Variants in DCP2 observed in about 807,000 individuals in gnomAD.
DCP2 encodes decapping mRNA 2, also known as m7GpppN-mRNA hydrolase.
A neutral mutation model predicts 56.1 loss-of-function variants in DCP2; 30 were observed. The ratio of observed to expected loss-of-function variants is 0.53; its 90% CI spans 0.40 to 0.73. The LOEUF (loss-of-function observed/expected upper bound fraction) is 0.73, where lower values mean the gene tolerates loss of function less well. Among genes scored for constraint, DCP2 ranks in the 30% least tolerant of loss-of-function variants. The pLI is 0.00. For synonymous variants in DCP2, 197 were observed against 163.3 expected, an observed-to-expected ratio of 1.21 and a Z score of -1.57; for missense variants, 533 against 502.7, an observed-to-expected ratio of 1.06 and a Z score of -0.58.
chr5:113,000,662 A>T (rs966488063), intron 4 of DCP2, among the ~76,000 whole-genome samples: 1 of 152,194 alleles, frequency 6.6e-6, no homozygotes, highest in African/African-American at 2.4e-5. Context: ...TTTTACTCTG[A>T]TTGGAATGCT....
In DCP2 at chr5:113,014,257, T is replaced by A. The variant is rs1749793526; in HGVS notation, c.*773T>A. 1 of 152,354 alleles carries A rather than the reference T, an allele frequency of 6.6e-6. No homozygotes were observed. The highest frequency in any genetic ancestry group is 2.1e-4 in the South Asian group (1 of 4,832). The allele number at this position is 152,354 out of a possible 1,614,324, so 9.4% of individuals were successfully genotyped here. A position where few individuals can be genotyped will look rare whatever the true frequency, so the allele number is the denominator to read the frequency against. On this transcript the variant is annotated 3_prime_UTR_variant, in exon 11 of 11. Transcript: ENST00000389063. ...GCTACTTTGGGTCATGTCTTTACTG[T>A]CCTGCCTCCAACCCTTTAGTCTCGT... is the stretch of plus-strand genomic sequence containing the variant.
chr5:113,014,578 C>G lies in DCP2; in HGVS notation c.*1094C>G, dbSNP rs948315291. On this transcript the variant is annotated 3_prime_UTR_variant, in exon 11 of 11. Transcript: ENST00000389063. The stretch of plus-strand genomic sequence containing the variant: ...ACATAACAGTAACATACATAACTCA[C>G]TCCTAGGAATGTATTTTGCTTCAGG... 1 of 152,630 alleles carries G rather than the reference C, an allele frequency of 6.6e-6. No homozygotes were observed. The highest frequency in any genetic ancestry group is 6.5e-5 in the Admixed American group (1 of 15,274). The allele number at this position is 152,630 out of a possible 1,614,324, so 9.5% of individuals were successfully genotyped here. A position where few individuals can be genotyped will look rare whatever the true frequency, so the allele number is the denominator to read the frequency against.
chr5:112,998,578 CA>C (rs1748972626), intron 4 of DCP2, among the ~76,000 whole-genome samples: 1 of 152,140 alleles, frequency 6.6e-6, no homozygotes, highest in Admixed American at 6.5e-5. Flanking sequence ...TTACTAAGCA[CA>C]AAGTACATAG....
intron 9 of DCP2, 39 bp from the exon 10 acceptor site, chr5:113,010,717 G>T (rs1561705584): frequency 1.3e-6 from 2 of 1,486,350 alleles, no homozygotes; most frequent in African/African-American, 1.5e-5. Context: ...TGACTGTGTT[G>T]TATGTGTGTG....
intron 1 of DCP2, chr5:112,983,843 G>C (rs1383013545): frequency 6.6e-6 from 1 of 152,200 alleles, no homozygotes; most frequent in African/African-American, 2.4e-5. Context: ...CACTTTTGAA[G>C]ATTCTGAAAG....
In DCP2 at chr5:112,985,902, C is replaced by T. The variant is rs750777134; in HGVS notation, c.121C>T (p.Leu41Phe). The change falls in exon 2 of 11, where the codon CTT becomes TTT. Residue 41 changes from leucine (L) to phenylalanine (F), a missense_variant. Physicochemically the swap from Leu to Phe is conservative, Grantham distance 22 (BLOSUM62 0). Transcript: ENST00000389063. Reference sequence around the variant, plus strand: ...AATCCGAGTGTGTTTTCAGATTGAACTTGCCCATTGGTTTTACTTGGATTT... The same window carrying T: ...AATCCGAGTGTGTTTTCAGATTGAATTTGCCCATTGGTTTTACTTGGATTT... ...NAIRVCFQIE[L>F]AHWFYLDFYM... 5 of 1,610,976 alleles carry T rather than the reference C, an allele frequency of 3.1e-6. No individual in the cohort carries two copies. In the South Asian group the frequency reaches 4.4e-5, roughly 14 times the overall value.
chr5:112,977,139 A>G (rs1747747804), intron 1 of DCP2, among the ~76,000 whole-genome samples, 153 bp downstream of exon 1: 1 of 151,734 alleles, frequency 6.6e-6, no homozygotes, highest in African/African-American at 2.4e-5. Context: ...CTGCTCTCCG[A>G]CGACACCGCC....
At chr5:112,995,663 A>G (rs967405673) in intron 4 of DCP2, among the ~76,000 whole-genome samples, 1 of 152,184 alleles carries the variant, frequency 6.6e-6, no homozygotes, top group Non-Finnish European at 1.5e-5. Context: ...TTTGATCTCT[A>G]TGATGTCCTT....
rs749190268 is a variant in DCP2 at position 112,977,029 on chromosome 5, T to G, written c.53+43T>G. On this transcript the variant is annotated intron_variant, in intron 1 of 10. Coordinates refer to ENST00000389063, the MANE Select transcript of DCP2 (RefSeq NM_152624.6). ...CCCCTTTCGCCCCCGTCGGGTTTTCTCAGTTTCGCGGACCCCCAGAGGCCT... is the reference window on the plus strand; with the variant it reads ...CCCCTTTCGCCCCCGTCGGGTTTTCGCAGTTTCGCGGACCCCCAGAGGCCT... 9 of 1,457,276 alleles carry G rather than the reference T, an allele frequency of 6.2e-6. No homozygotes were observed. The African/African-American group carries it at 1.3e-4, about 21-fold the overall frequency. The allele number at this position is 1,457,276 out of a possible 1,614,324, so 90.3% of individuals were successfully genotyped here. A position where few individuals can be genotyped will look rare whatever the true frequency, so the allele number is the denominator to read the frequency against.
chr5:113,003,888 A>AAG (rs1749295489), intron 7 of DCP2, 54 bp from the exon 8 acceptor site: 23 of 1,593,682 alleles, frequency 1.4e-5, no homozygotes, highest in Middle Eastern at 3.3e-4. Flanking sequence ...AAGGTGTTAA[A>AAG]AGAACTATAA....
intron 1 of DCP2, among the ~76,000 whole-genome samples, chr5:112,984,838 AG>A (rs35001135): frequency 0.52 from 76,877 of 148,824 alleles, 20,613 homozygotes; most frequent in African/African-American, 0.66. Context: ...CCAAGCAGCT[AG>A]GACTACAGAT....
chr5:113,013,415 C>G lies in DCP2; in HGVS notation c.1194C>G (p.Pro398=), dbSNP rs751073360. The G allele has an allele frequency of 6.2e-6, 10 of 1,614,044 alleles. No individual in the cohort carries two copies. The highest frequency in any genetic ancestry group is 8.5e-6 in the Non-Finnish European group (10 of 1,180,006). The change falls in exon 11 of 11, where the codon CCC becomes CCG. Residue 398 remains proline (P), a synonymous_variant. Transcript: ENST00000389063. ...PVACNGHCKF[P]FSSRAFLSFK... is the part of the protein sequence containing the mutation. ...CATGTAATGGACATTGCAAGTTCCC[C>G]TTTTCATCCAGAGCCTTTTTGAGTT...
intron 10 of DCP2, among the ~76,000 whole-genome samples, chr5:113,011,654 A>T (rs576625694): frequency 6.6e-6 from 1 of 152,226 alleles, no homozygotes; most frequent in Admixed American, 6.5e-5. Flanking sequence ...CCTTAACCCT[A>T]TTATGGAAAG....
In DCP2 at chr5:112,992,668, G is replaced by GT; in HGVS notation, c.334-3dup. The GT allele has an allele frequency of 6.4e-7, 1 of 1,563,000 alleles. No homozygotes were observed. The highest frequency in any genetic ancestry group is 8.6e-7 in the Non-Finnish European group (1 of 1,156,764). On this transcript the variant is annotated splice_polypyrimidine_tract_variant and splice_region_variant and intron_variant, in intron 3 of 10. Transcript: ENST00000389063. ...TTTGATTTTTACTTCTGCTTGTTTT[G>GT]TAGGTACTACTAGTTCAGGGGTACC...
Position 112,985,871 on chromosome 5 carries a change from C to A in DCP2, c.90C>A (p.Asp30Glu). ...FILHIPSEER[D>E]NAIRVCFQIE... ...TGCATATTCCCAGCGAGGAAAGAGA[C>A]AATGCAATCCGAGTGTGTTTTCAGA... Residue 30 changes from aspartate to glutamate, a missense_variant, in exon 2 of 11, where the codon GAC (aspartate) becomes GAA (glutamate). This residue lies in a region of DCP2 where 137 missense variants were observed against 138.2 expected (regional missense o/e 0.99). Transcript: ENST00000389063. 1.2e-6 allele frequency: 2 copies of A among 1,609,300 alleles called. No homozygotes were observed. Among genetic ancestry groups the A allele is most frequent in the Non-Finnish European group, 1.7e-6 (2 of 1,176,074 alleles).
At chr5:113,003,598 C>A (rs556942866) in intron 7 of DCP2, among the ~76,000 whole-genome samples, 6 of 152,006 alleles carry the variant, frequency 3.9e-5, no homozygotes, top group Non-Finnish European at 8.8e-5. Context: ...AATGTACATT[C>A]GTTTCATCTA....
intron 9 of DCP2, among the ~76,000 whole-genome samples, chr5:113,009,321 T>C (rs1271517402): frequency 6.6e-6 from 1 of 152,212 alleles, no homozygotes; most frequent in Non-Finnish European, 1.5e-5. Flanking sequence ...AAGACGAAAG[T>C]TAATGACAGA....
intron 7 of DCP2, among the ~76,000 whole-genome samples, chr5:113,002,226 C>T (rs1330179165): frequency 1.3e-5 from 2 of 152,044 alleles, no homozygotes; most frequent in Non-Finnish European, 1.5e-5. Context: ...AGTTCAAGAC[C>T]AGCCTGGTCA....
At chr5:113,011,667 A>G (rs1485395243) in intron 10 of DCP2, among the ~76,000 whole-genome samples, 1 of 152,204 alleles carries the variant, frequency 6.6e-6, no homozygotes, top group Non-Finnish European at 1.5e-5. Context: ...ATGGAAAGTT[A>G]CTGTTAACTG....
Sources: allele counts gnomAD v4.1 joint callset (sites outside exome capture counted in the v4.1 genomes callset), GRCh38; gene constraint gnomAD v4.1.1; regional missense constraint gnomAD v4.1.1; transcripts MANE v1.5; gene names NCBI Gene and HGNC (gene_info 2026-07-23, HGNC 2026-07-21).